The following VPS13D variants were observed in gnomAD, a reference collection of about 807,000 sequenced individuals.
The protein encoded by VPS13D is vacuolar protein sorting 13 homolog D, also known as intermembrane lipid transfer protein VPS13D.
Under a neutral mutation model 461.9 loss-of-function variants are expected in VPS13D, and 187 were observed. The observed-to-expected ratio is 0.40, with a 90% CI of 0.36 to 0.46. The LOEUF (loss-of-function observed/expected upper bound fraction) is 0.46. Among genes scored for constraint, VPS13D ranks in the 20% least tolerant of loss-of-function variants. The pLI is 0.60. For missense variants in VPS13D, 4,711 were observed against 5,364.9 expected, an observed-to-expected ratio of 0.88 and a Z score of 3.81; for synonymous variants, 1,951 against 1,986.3, an observed-to-expected ratio of 0.98 and a Z score of 0.47.
chr1:12,497,538 C>T lies in VPS13D; in HGVS notation c.12701C>T (p.Thr4234Met), dbSNP rs760102534. 10 of 1,613,948 alleles carry T rather than the reference C, an allele frequency of 6.2e-6. No individual in the cohort carries two copies. The highest frequency in any genetic ancestry group is 3.3e-5 in the South Asian group (3 of 91,070). Residue 4234 changes from threonine (T) to methionine (M), a missense_variant, in exon 68 of 70, where the codon ACG becomes ATG. By Grantham distance (81) the Thr-to-Met change is moderately conservative (BLOSUM62 -1). This residue lies in a region of VPS13D where 194 missense variants were observed against 220.9 expected (regional missense o/e 0.88). Transcript: ENST00000620676. ...AQRVRKPRCCTGPQGLLPRYS... is the reference protein window; with the variant it reads ...AQRVRKPRCCMGPQGLLPRYS... ...AGGGTTCGGAAACCGCGTTGCTGCACGGGGCCCCAGGGGCTGCTTCCCCGA... is the reference window on the plus strand; with the variant it reads ...AGGGTTCGGAAACCGCGTTGCTGCATGGGGCCCCAGGGGCTGCTTCCCCGA...
chr1:12,441,969 G>A (rs1645137154), intron 65 of VPS13D, among the ~76,000 whole-genome samples: 2 of 151,806 alleles, frequency 1.3e-5, no homozygotes, highest in South Asian at 4.2e-4. Flanking sequence ...CTTTTTTGCT[G>A]TTATTGTCAT....
intron 1 of VPS13D, 129 bp downstream of exon 1, chr1:12,230,249 G>C: frequency 6.6e-6 from 1 of 152,354 alleles, no homozygotes; most frequent in East Asian, 1.9e-4. Flanking sequence ...GGAGAGCGAT[G>C]CTAGGAGCCT....
intron 55 of VPS13D, among the ~76,000 whole-genome samples, chr1:12,374,637 C>A (rs555271983): frequency 1.3e-5 from 2 of 152,196 alleles, no homozygotes; most frequent in Admixed American, 1.3e-4. Flanking sequence ...GTCATATTTT[C>A]TATATATGTA....
At chr1:12,326,280 CT>C (rs141587637) in intron 35 of VPS13D, among the ~76,000 whole-genome samples, 263 of 93,454 alleles carry the variant, frequency 2.8e-3, no homozygotes, top group Non-Finnish European at 4.1e-3. Flanking sequence ...ATTCGAGCAC[CT>C]TTTTTTTTTT....
At chr1:12,400,361 T>C (rs768703726) in intron 61 of VPS13D, 31 bp downstream of exon 61, 2 of 1,611,158 alleles carry the variant, frequency 1.2e-6, no homozygotes, top group South Asian at 1.1e-5. Flanking sequence ...GGTGGGTTGA[T>C]GCCATGCTGG....
At chr1:12,243,795 C>A (rs1184960752) in intron 3 of VPS13D, among the ~76,000 whole-genome samples, 3 of 152,050 alleles carry the variant, frequency 2.0e-5, no homozygotes, top group Non-Finnish European at 4.4e-5. Flanking sequence ...ACCTATGTTT[C>A]AGTTTGTGGT....
At chr1:12,287,008 C>G (rs1448578315) in intron 21 of VPS13D, among the ~76,000 whole-genome samples, 1 of 152,142 alleles carries the variant, frequency 6.6e-6, no homozygotes, top group Non-Finnish European at 1.5e-5. Flanking sequence ...TTACAGACAC[C>G]TGCCACCATG....
At position 12,358,489 on chromosome 1, in the gene VPS13D, T is replaced by G. The variant is rs1380029765; in HGVS notation, c.10029T>G (p.His3343Gln). The change falls in exon 50 of 70, where the codon CAT becomes CAG. Residue 3343 changes from histidine (H) to glutamine (Q), a missense_variant. Physicochemically the swap from His to Gln is conservative, Grantham distance 24. This residue lies in a region of VPS13D where 4,411 missense variants were observed against 4,937.8 expected (regional missense o/e 0.89). Transcript: ENST00000620676. Reference protein sequence around the residue: ...LCTMRIGRGIHPEGMPGWCQG... With the variant: ...LCTMRIGRGIQPEGMPGWCQG... ...CGATGAGAATCGGAAGGGGGATTCATCCAGAAGGCATGCCGGGCTGGTGTC... is the reference window on the plus strand; with the variant it reads ...CGATGAGAATCGGAAGGGGGATTCAGCCAGAAGGCATGCCGGGCTGGTGTC... The G allele has an allele frequency of 6.2e-7, 1 of 1,614,212 alleles. No individual in the cohort carries two copies. The highest frequency in any genetic ancestry group is 1.7e-5 in the Admixed American group (1 of 60,026).
intron 40 of VPS13D, among the ~76,000 whole-genome samples, chr1:12,339,685 G>A (rs1380636007): frequency 6.6e-6 from 1 of 152,144 alleles, no homozygotes; most frequent in Non-Finnish European, 1.5e-5. Flanking sequence ...TGTCAGATTT[G>A]TTGCCTGATG....
Position 12,318,041 on chromosome 1 carries a change from C to T in VPS13D, c.7149-31C>T, listed in dbSNP as rs1252484463. ...TTGAAATAACCATGTTTCTTTTTTC[C>T]TATTTATTTTCTCCTGTCTTCTTTT... On this transcript the variant is annotated intron_variant, in intron 30 of 69. Coordinates refer to ENST00000620676, the MANE Select transcript of VPS13D (RefSeq NM_015378.4). 25 of 1,570,598 alleles carry T rather than the reference C, an allele frequency of 1.6e-5. No homozygotes were observed. The Admixed American group carries it at 1.9e-4, about 12-fold the overall frequency.
chr1:12,320,699 C>T (rs1170873611), intron 32 of VPS13D, among the ~76,000 whole-genome samples: 2 of 152,146 alleles, frequency 1.3e-5, no homozygotes, highest in African/African-American at 2.4e-5. Flanking sequence ...AATGGAGAAT[C>T]TTGCTGATTG....
chr1:12,432,487 A>G (rs1354214408), intron 65 of VPS13D, among the ~76,000 whole-genome samples: 1 of 151,924 alleles, frequency 6.6e-6, no homozygotes, highest in Non-Finnish European at 1.5e-5. Flanking sequence ...CTCAGTGGAC[A>G]CTGAAAATGT....
rs143087884 is a variant in VPS13D at position 12,274,512 on chromosome 1, A to G, written c.2237-1313A>G. ...TTTTTAGTAGAGATGGGGTTTCGCC[A>G]TGTTGGCCAGGCAGGTCTCGAACTC... On this transcript the variant is annotated intron_variant, in intron 18 of 69. Transcript: ENST00000620676. Among the ~76,000 whole-genome samples the G allele has an allele frequency of 3.0e-3, 460 of 151,970 alleles. 2 individuals are homozygous for G. The highest frequency in any genetic ancestry group is 6.9e-3 in the South Asian group (33 of 4,804).
chr1:12,436,374 C>T (rs1251954891), intron 65 of VPS13D, among the ~76,000 whole-genome samples: 1 of 152,128 alleles, frequency 6.6e-6, no homozygotes, highest in Non-Finnish European at 1.5e-5. Context: ...AAGAGGCACA[C>T]AGGGAGCAGT....
In VPS13D at chr1:12,441,352, G is replaced by T. The variant is rs142540053; in HGVS notation, c.12334-14646G>T. 1.0e-3 allele frequency among the ~76,000 whole-genome samples: 157 copies of T among 152,270 alleles called. No homozygotes were observed. The East Asian group carries it at 0.028, about 27-fold the overall frequency. ...CTGTGTTTCAGGCACTGTCCGGGGC[G>T]GGGGACAGGGTACAAAGATGACCAG... On this transcript the variant is annotated intron_variant, in intron 65 of 69. Coordinates refer to ENST00000620676, the MANE Select transcript of VPS13D (RefSeq NM_015378.4).
At chr1:12,378,327 T>C in intron 55 of VPS13D, 101 bp from the exon 56 acceptor site, 1 of 1,090,508 alleles carries the variant, frequency 9.2e-7, no homozygotes, top group Non-Finnish European at 1.2e-6. Flanking sequence ...AAACTTCCTA[T>C]ATGAGAACTT....
At chr1:12,318,539 C>T (rs1465703722) in intron 31 of VPS13D, among the ~76,000 whole-genome samples, 2 of 152,160 alleles carry the variant, frequency 1.3e-5, no homozygotes, top group African/African-American at 4.8e-5. Context: ...ACTGCGGGGT[C>T]GCTTGTCCCT....
chr1:12,315,805 C>T (rs1403309228), intron 30 of VPS13D, among the ~76,000 whole-genome samples: 1 of 152,042 alleles, frequency 6.6e-6, no homozygotes, highest in Non-Finnish European at 1.5e-5. Flanking sequence ...CTGTTTGTTC[C>T]ATCTGGAGAA....
intron 52 of VPS13D, among the ~76,000 whole-genome samples, chr1:12,367,503 C>T (rs1188356605): frequency 6.6e-6 from 1 of 152,150 alleles, no homozygotes; most frequent in African/African-American, 2.4e-5. Flanking sequence ...ACCTTTCATT[C>T]AATGGTTTAA....
Sources: allele counts gnomAD v4.1 joint callset (sites outside exome capture counted in the v4.1 genomes callset), GRCh38; gene constraint gnomAD v4.1.1; regional missense constraint gnomAD v4.1.1; transcripts MANE v1.5; gene names NCBI Gene and HGNC (gene_info 2026-07-23, HGNC 2026-07-21).